Variants in PSD3 observed in about 807,000 individuals in gnomAD.
PSD3 encodes the protein PH and SEC7 domain-containing protein 3.
In PSD3, 49 loss-of-function variants were observed where a neutral mutation model predicts 105.5. The ratio of observed to expected loss-of-function variants is 0.46; its 90% CI spans 0.37 to 0.59. The LOEUF (loss-of-function observed/expected upper bound fraction) is 0.59, where lower values mean the gene tolerates loss of function less well. Among genes scored for constraint, PSD3 ranks in the 20% least tolerant of loss-of-function variants. The pLI, the probability that PSD3 is intolerant of heterozygous loss-of-function variation, is 0.00. For missense variants in PSD3, 1,561 were observed against 1,263.8 expected, an observed-to-expected ratio of 1.24 and a Z score of -3.57; for synonymous variants, 557 against 457.8, an observed-to-expected ratio of 1.22 and a Z score of -2.77.
chr8:18,670,213 C>A (rs1042937330), intron 9 of PSD3, among the ~76,000 whole-genome samples: 2 of 152,124 alleles, frequency 1.3e-5, no homozygotes, highest in Non-Finnish European at 2.9e-5. Context: ...AGGTAAGCAG[C>A]TCCTGGGCAC....
At chr8:18,945,347 A>G (rs1822793808) in intron 1 of PSD3, among the ~76,000 whole-genome samples, 2 of 152,244 alleles carry the variant, frequency 1.3e-5, no homozygotes, top group African/African-American at 4.8e-5. Flanking sequence ...ATGAGACAGA[A>G]GCATAGAAAA....
At chr8:19,031,225 T>C (rs1170443494) in intron 1 of PSD3, among the ~76,000 whole-genome samples, 3 of 152,204 alleles carry the variant, frequency 2.0e-5, no homozygotes, top group African/African-American at 7.2e-5. Flanking sequence ...AATAAATTTC[T>C]ATTGTGTTCA....
At chr8:18,759,092 A>ACACACACACACACACACT (rs756248977) in intron 9 of PSD3, among the ~76,000 whole-genome samples, 15 of 143,952 alleles carry the variant, frequency 1.0e-4, no homozygotes, top group South Asian at 2.2e-4. Context: ...ACACACACAC[A>ACACACACACACACACACT]CTCTCTCTCT....
At chr8:18,678,241 G>C (rs995119615) in intron 9 of PSD3, among the ~76,000 whole-genome samples, 1 of 152,052 alleles carries the variant, frequency 6.6e-6, no homozygotes, top group Non-Finnish European at 1.5e-5. Flanking sequence ...TAGTGCAGGA[G>C]GATGTTGATA....
chr8:18,798,542 T>C (rs1270037313), intron 8 of PSD3, among the ~76,000 whole-genome samples: 2 of 152,176 alleles, frequency 1.3e-5, no homozygotes, highest in African/African-American at 2.4e-5. Context: ...CAATTTTTTA[T>C]ATGTAATTTT....
At chr8:18,873,824 T>C (rs982854611) in intron 2 of PSD3, among the ~76,000 whole-genome samples, 3 of 152,232 alleles carry the variant, frequency 2.0e-5, no homozygotes, top group Non-Finnish European at 2.9e-5. Context: ...GATCACTACC[T>C]GCATAAAATT....
At chr8:19,010,325 G>A (rs1458777338) in intron 1 of PSD3, among the ~76,000 whole-genome samples, 2 of 152,042 alleles carry the variant, frequency 1.3e-5, no homozygotes, top group Non-Finnish European at 2.9e-5. Context: ...GGCACCAACT[G>A]GGCCCAAGTT....
intron 8 of PSD3, among the ~76,000 whole-genome samples, chr8:18,796,184 T>C (rs1324330531): frequency 6.6e-6 from 1 of 152,140 alleles, no homozygotes; most frequent in African/African-American, 2.4e-5. Flanking sequence ...AAATATTGTA[T>C]ATACTTCAGA....
At chr8:18,617,675 A>G (rs976434723) in intron 11 of PSD3, among the ~76,000 whole-genome samples, 71 of 152,142 alleles carry the variant, frequency 4.7e-4, no homozygotes, top group African/African-American at 1.6e-3. Flanking sequence ...TTAGGACATG[A>G]CAGAAAGGGG....
chr8:18,717,804 T>C (rs1802696984), intron 9 of PSD3, among the ~76,000 whole-genome samples: 1 of 152,196 alleles, frequency 6.6e-6, no homozygotes, highest in African/African-American at 2.4e-5. Context: ...CACATAAATC[T>C]GAACTATTCA....
intron 2 of PSD3, among the ~76,000 whole-genome samples, chr8:18,918,149 G>A (rs1212431234): frequency 2.0e-5 from 3 of 152,148 alleles, no homozygotes; most frequent in Non-Finnish European, 4.4e-5. Flanking sequence ...TCATAACCTA[G>A]TCCCTGCCCA....
chr8:18,764,948 T>C (rs186156945), intron 9 of PSD3, among the ~76,000 whole-genome samples: 48 of 152,314 alleles, frequency 3.2e-4, no homozygotes, highest in African/African-American at 8.4e-4. Context: ...GGGAAAAACA[T>C]CATGCTGATG....
At chr8:18,654,292 T>C (rs1362012096) in intron 10 of PSD3, among the ~76,000 whole-genome samples, 1 of 152,212 alleles carries the variant, frequency 6.6e-6, no homozygotes, top group Non-Finnish European at 1.5e-5. Context: ...AGTCAACTAT[T>C]AACCCATGTT....
intron 15 of PSD3, among the ~76,000 whole-genome samples, chr8:18,544,404 T>G (rs1202708147): frequency 6.6e-6 from 1 of 151,990 alleles, no homozygotes; most frequent in Non-Finnish European, 1.5e-5. Context: ...GAAATAACAT[T>G]TTTAAAAAGA....
chr8:18,556,314 C>A lies in PSD3; in HGVS notation c.2823G>T (p.Gln941His), dbSNP rs746665443. Residue 941 changes from glutamine to histidine, a missense_variant, in exon 15 of 16, where the codon CAG becomes CAT. Physicochemically the swap from Gln to His is conservative, Grantham distance 24 (BLOSUM62 0). Transcript: ENST00000327040. ...QLKSHESKLK[Q>H]ITTELAEHRS... ...GGTGCTCGGCCAGCTCGGTGGTGAT[C>A]TGCTTCAGCTTACTTTCATGTGACT... 5.0e-6 allele frequency: 8 copies of A among 1,613,768 alleles called. No homozygotes were observed. The highest frequency in any genetic ancestry group is 1.3e-5 in the African/African-American group (1 of 74,838).
chr8:19,065,957 A>T (rs927128188), intron 1 of PSD3, among the ~76,000 whole-genome samples: 1 of 152,012 alleles, frequency 6.6e-6, no homozygotes, highest in Non-Finnish European at 1.5e-5. Flanking sequence ...TTAGCATACA[A>T]AAAGACCACT....
chr8:18,699,665 C>T (rs1258741937), intron 9 of PSD3, among the ~76,000 whole-genome samples: 1 of 152,036 alleles, frequency 6.6e-6, no homozygotes, highest in African/African-American at 2.4e-5. Context: ...GTAAAGACTG[C>T]TGGGCAATAC....
intron 8 of PSD3, among the ~76,000 whole-genome samples, chr8:18,777,898 A>G (rs1808248879): frequency 1.3e-5 from 2 of 152,150 alleles, no homozygotes; most frequent in Admixed American, 1.3e-4. Context: ...AGCATACAAT[A>G]TGTGTCTTTC....
chr8:18,970,265 C>A (rs1198691168), intron 1 of PSD3, among the ~76,000 whole-genome samples: 1 of 125,150 alleles, frequency 8.0e-6, no homozygotes, highest in Non-Finnish European at 1.6e-5. Flanking sequence ...GCGGAGCTTG[C>A]AGTGAGCCGA....
Sources: allele counts gnomAD v4.1 joint callset (sites outside exome capture counted in the v4.1 genomes callset), GRCh38; gene constraint gnomAD v4.1.1; transcripts MANE v1.5; gene names NCBI Gene and HGNC (gene_info 2026-07-23, HGNC 2026-07-21).